Variants in AIG1 observed in about 807,000 individuals in gnomAD.
AIG1 encodes the protein androgen induced 1, also known as androgen-induced gene 1 protein.
A neutral mutation model predicts 31.4 loss-of-function variants in AIG1; 23 were observed. The observed-to-expected ratio is 0.73, with a 90% confidence interval of 0.53 to 1.04. The LOEUF is 1.04. AIG1 is among the 50% of genes least tolerant of loss of function. AIG1 has a pLI of 0.00. For missense variants in AIG1, 274 were observed against 295.0 expected (o/e 0.93, Z 0.52); for synonymous variants, 100 against 110.5 (o/e 0.90, Z 0.60).
intron 1 of AIG1, among the ~76,000 whole-genome samples, chr6:143,068,921 A>T (rs77660811): frequency 0.035 from 5,393 of 152,304 alleles, 285 homozygotes; most frequent in Admixed American, 0.16. Context: ...TTGACTTTTC[A>T]GTCATATATA....
At chr6:143,207,029 A>G (rs995380608) in intron 3 of AIG1, among the ~76,000 whole-genome samples, 15 of 152,176 alleles carry the variant, frequency 9.9e-5, no homozygotes, top group African/African-American at 3.6e-4. Flanking sequence ...TAAGTAATAT[A>G]AATTCAAGAG....
rs1795537678 is a variant in AIG1, at chr6:143,258,752, G to A, written c.400-25358G>A. On this transcript the variant is annotated intron_variant, in intron 3 of 5. Transcript: ENST00000357847. This position sits in a 1 kb window ranked among gnomAD's most constrained non-coding sequence, Gnocchi z 4.7. ...GTCTTATATTCTAGACCCACCCCCT[G>A]TCAAAACTGAGGTTGAAATTTGGTC... Among the ~76,000 whole-genome samples, 1 of 152,196 alleles carries A rather than the reference G, an allele frequency of 6.6e-6. No homozygotes were observed. Among genetic ancestry groups the A allele is most frequent in the African/African-American group, 2.4e-5 (1 of 41,450 alleles).
intron 4 of AIG1, among the ~76,000 whole-genome samples, chr6:143,315,187 C>T (rs1177217475): frequency 3.9e-5 from 6 of 151,964 alleles, no homozygotes; most frequent in East Asian, 1.9e-4. Flanking sequence ...GGAGATATTT[C>T]GTGGCAAAAG....
intron 5 of AIG1, among the ~76,000 whole-genome samples, chr6:143,337,167 A>C (rs1487702664): frequency 6.6e-6 from 1 of 152,170 alleles, no homozygotes; most frequent in Non-Finnish European, 1.5e-5. Flanking sequence ...CCATCTTTGA[A>C]GCCATTGGTC....
At chr6:143,130,617 G>A (rs921590348) in intron 1 of AIG1, among the ~76,000 whole-genome samples, 3 of 152,056 alleles carry the variant, frequency 2.0e-5, no homozygotes, top group African/African-American at 7.2e-5. Flanking sequence ...TACTGGGGAG[G>A]CTGAGACAGG....
chr6:143,222,440 T>C (rs1473327076), intron 3 of AIG1, among the ~76,000 whole-genome samples: 1 of 152,124 alleles, frequency 6.6e-6, no homozygotes, highest in African/African-American at 2.4e-5. Context: ...TGATTCTTAT[T>C]GCAAGGGAAG....
chr6:143,279,621 A>G lies in AIG1; in HGVS notation c.400-4489A>G, dbSNP rs1321253513. Among the ~76,000 whole-genome samples, 1 of 151,988 alleles carries G rather than the reference A, an allele frequency of 6.6e-6. No individual in the cohort carries two copies. The highest frequency in any genetic ancestry group is 1.5e-5 in the Non-Finnish European group (1 of 67,992). On this transcript the variant is annotated intron_variant, in intron 3 of 5. Transcript: ENST00000357847. This position sits in a 1 kb window ranked among gnomAD's most constrained non-coding sequence, Gnocchi z 5.4. Reference sequence around the variant, plus strand: ...CCTTGTGGATCTCTTCTGCAAATAGACCTTTGTCACGGGAGGCTGGTCAGT... The same window carrying G: ...CCTTGTGGATCTCTTCTGCAAATAGGCCTTTGTCACGGGAGGCTGGTCAGT...
chr6:143,148,519 CA>C (rs994336383), intron 2 of AIG1, among the ~76,000 whole-genome samples: 8 of 151,750 alleles, frequency 5.3e-5, no homozygotes, highest in Non-Finnish European at 1.0e-4. Flanking sequence ...AAAAACAGAA[CA>C]AAAAGCAAAA....
chr6:143,259,995 G>A (rs1028599555), intron 3 of AIG1, among the ~76,000 whole-genome samples: 1 of 151,512 alleles, frequency 6.6e-6, no homozygotes, highest in African/African-American at 2.4e-5. Context: ...AAGACAGTGA[G>A]GGTCTTGTGC....
chr6:143,314,805 A>G (rs1775601797), intron 4 of AIG1, among the ~76,000 whole-genome samples: 1 of 152,150 alleles, frequency 6.6e-6, no homozygotes, highest in Non-Finnish European at 1.5e-5. Context: ...ACCAGCACTC[A>G]TTTAATTTTA....
At chr6:143,112,338 C>T (rs1283766558) in intron 1 of AIG1, among the ~76,000 whole-genome samples, 2 of 152,274 alleles carry the variant, frequency 1.3e-5, no homozygotes, top group East Asian at 3.9e-4. Flanking sequence ...TAGGGGGAAC[C>T]TTTTCTCATT....
In AIG1 at chr6:143,249,705, G is replaced by C. The variant is rs1344324316; in HGVS notation, c.400-34405G>C. On this transcript the variant is annotated intron_variant, in intron 3 of 5. Transcript: ENST00000357847. ...GTTTGCGTTACTCAGAGCCTCTACT[G>C]TCTTCTGGCTTCTGCCTACTTCCTT... Among the ~76,000 whole-genome samples the C allele has an allele frequency of 7.2e-5, 11 of 152,162 alleles. 1 individual carries two copies. The highest frequency in any genetic ancestry group is 7.2e-4 in the Admixed American group (11 of 15,280).
At chr6:143,224,689 G>A (rs1792802400) in intron 3 of AIG1, among the ~76,000 whole-genome samples, 1 of 152,082 alleles carries the variant, frequency 6.6e-6, no homozygotes, top group African/African-American at 2.4e-5. Flanking sequence ...AATGTAGTAG[G>A]TCCTCAATAA....
intron 4 of AIG1, among the ~76,000 whole-genome samples, chr6:143,318,269 T>A (rs1037703717): frequency 6.6e-6 from 1 of 152,110 alleles, no homozygotes; most frequent in African/African-American, 2.4e-5. Context: ...GGCATGGTAC[T>A]GGTATAAAAA....
chr6:143,183,272 T>G (rs529307901), intron 3 of AIG1, among the ~76,000 whole-genome samples: 2 of 150,090 alleles, frequency 1.3e-5, no homozygotes, highest in South Asian at 4.3e-4. Context: ...CTTGGCTCAC[T>G]GAAACCTCCA....
At chr6:143,122,559 A>C (rs1272992873) in intron 1 of AIG1, among the ~76,000 whole-genome samples, 1 of 152,242 alleles carries the variant, frequency 6.6e-6, no homozygotes, top group Non-Finnish European at 1.5e-5. Context: ...CATAGTTGAT[A>C]GATTTATAAA....
chr6:143,333,480 A>G lies in AIG1; in HGVS notation c.679+35A>G. The G allele has an allele frequency of 6.2e-7, 1 of 1,605,048 alleles. No homozygotes were observed. Among genetic ancestry groups the G allele is most frequent in the Non-Finnish European group, 8.5e-7 (1 of 1,175,454 alleles). The stretch of plus-strand genomic sequence containing the variant: ...GTCTGAGGGAACATAAAACAAGAGA[A>G]TTACTGCCGGCAACAGTCTATGCAG... On this transcript the variant is annotated intron_variant, in intron 5 of 5. Coordinates refer to ENST00000357847, the MANE Select transcript of AIG1 (RefSeq NM_016108.4). This position sits in a 1 kb window ranked among gnomAD's most constrained non-coding sequence, Gnocchi z 4.6.
intron 1 of AIG1, among the ~76,000 whole-genome samples, chr6:143,111,105 A>G (rs1169901375): frequency 6.6e-6 from 1 of 152,180 alleles, no homozygotes; most frequent in African/African-American, 2.4e-5. Context: ...TGAGTCAGTG[A>G]CAGCATACTG....
intron 1 of AIG1, among the ~76,000 whole-genome samples, chr6:143,108,074 C>G (rs1780956640): frequency 6.6e-6 from 1 of 152,100 alleles, no homozygotes; most frequent in Non-Finnish European, 1.5e-5. Flanking sequence ...CAGATTGCAT[C>G]TCTCAACTGA....
Sources: allele counts gnomAD v4.1 joint callset (sites outside exome capture counted in the v4.1 genomes callset), GRCh38; gene constraint gnomAD v4.1.1; non-coding constraint Gnocchi (gnomAD v3.1); transcripts MANE v1.5; gene names NCBI Gene and HGNC (gene_info 2026-07-23, HGNC 2026-07-21).